The following SPRING1 variants were observed in gnomAD, a reference collection of about 807,000 sequenced individuals.
The protein encoded by SPRING1 is SREBP regulating gene protein.
A neutral mutation model predicts 24.7 loss-of-function variants in SPRING1; 14 were observed. That is an observed-to-expected ratio of 0.57 (90% confidence interval 0.37 to 0.88). SPRING1 has a LOEUF of 0.88. Ranked by LOEUF, SPRING1 falls within the 40% of genes least tolerant of loss-of-function variation. The probability of loss-of-function intolerance (pLI) is 0.00; values close to 1 mark genes in which losing one functional copy is unlikely to be tolerated. For synonymous variants in SPRING1, 93 were observed against 106.1 expected (o/e 0.88, Z 0.76); for missense variants, 255 against 268.4 (o/e 0.95, Z 0.35).
rs1268760871 is a variant in SPRING1 at position 116,713,537 on chromosome 12, A to C, written c.*4273T>G. 2 of 152,260 alleles carry C rather than the reference A, an allele frequency of 1.3e-5. No individual in the cohort carries two copies. Among genetic ancestry groups the C allele is most frequent in the Non-Finnish European group, 2.9e-5 (2 of 68,048 alleles). 9.4% of individuals were successfully genotyped at this position (152,260 alleles called of 1,614,324 possible). A position where few individuals can be genotyped will look rare whatever the true frequency, so the allele number is the denominator to read the frequency against. On this transcript the variant is annotated 3_prime_UTR_variant, in exon 5 of 5. Transcript: ENST00000261318. ...TCACAGGGTTACCAGGGGTATGACA[A>C]AAATGGACACTTCCATACACACTAG...
At chr12:116,729,046 TAAC>T (rs1263088534) in intron 1 of SPRING1, among the ~76,000 whole-genome samples, 2 of 152,146 alleles carry the variant, frequency 1.3e-5, no homozygotes, top group African/African-American at 2.4e-5. Context: ...CATTTAAAAA[TAAC>T]AACAATGAAT....
intron 1 of SPRING1, among the ~76,000 whole-genome samples, chr12:116,729,370 T>C (rs183560212): frequency 6.6e-6 from 1 of 152,368 alleles, no homozygotes; most frequent in African/African-American, 2.4e-5. Context: ...TGCAGGTTCC[T>C]AAAAGTTCAC....
rs1275302170 is a variant in SPRING1 at position 116,720,714 on chromosome 12, G to A, written c.269-267C>T. ...CCTACTGTTTAGTCGGCTGGCACAT[G>A]TCTGATTTCATCATCAGGTCAAGCT... On this transcript the variant is annotated intron_variant, in intron 2 of 4. Transcript: ENST00000261318. This position sits in a 1 kb window ranked among gnomAD's most constrained non-coding sequence, Gnocchi z 4.0. 6.6e-6 allele frequency among the ~76,000 whole-genome samples: 1 copy of A among 152,186 alleles called. No individual in the cohort carries two copies. Among genetic ancestry groups the A allele is most frequent in the Non-Finnish European group, 1.5e-5 (1 of 68,042 alleles).
Position 116,715,398 on chromosome 12 carries a change from G to A in SPRING1, c.*2412C>T, listed in dbSNP as rs966425129. The A allele has an allele frequency of 6.6e-6, 1 of 152,220 alleles. No homozygotes were observed. Among genetic ancestry groups the A allele is most frequent in the African/African-American group, 2.4e-5 (1 of 41,434 alleles). 9.4% of individuals were successfully genotyped at this position (152,220 alleles called of 1,614,324 possible). A position where few individuals can be genotyped will look rare whatever the true frequency, so the allele number is the denominator to read the frequency against. Reference sequence around the variant, plus strand: ...CACAAACCAACCAGAGTGGAGGGCAGGGAGAGGTCCTAGGTTGGGAGCTGG... The same window carrying A: ...CACAAACCAACCAGAGTGGAGGGCAAGGAGAGGTCCTAGGTTGGGAGCTGG... On this transcript the variant is annotated 3_prime_UTR_variant, in exon 5 of 5. Coordinates refer to ENST00000261318, the MANE Select transcript of SPRING1 (RefSeq NM_024738.4).
In SPRING1 at chr12:116,720,538, G is replaced by A. The variant is rs1044944093; in HGVS notation, c.269-91C>T. 8.6e-6 allele frequency: 13 copies of A among 1,510,628 alleles called. No individual in the cohort carries two copies. The highest frequency in any genetic ancestry group is 1.3e-5 in the South Asian group (1 of 79,702). The allele number at this position is 1,510,628 out of a possible 1,614,324, so 93.6% of individuals were successfully genotyped here. On this transcript the variant is annotated intron_variant, in intron 2 of 4. Transcript: ENST00000261318. The surrounding 1 kb of genome is among the most constrained non-coding windows in gnomAD (Gnocchi z 4.0). ...CATGAAGCAGCAGTGAAAGTACACA[G>A]ACAGAAGCTGGAGTCTGGGGCATCA... is the stretch of plus-strand genomic sequence containing the variant.
chr12:116,734,978 C>T (rs1871153917), intron 1 of SPRING1, among the ~76,000 whole-genome samples: 1 of 152,170 alleles, frequency 6.6e-6, no homozygotes, highest in African/African-American at 2.4e-5. Flanking sequence ...AGAATGGAAG[C>T]AGAGACTTGC....
rs1175276177 is a variant in SPRING1 at position 116,715,657 on chromosome 12, A to T, written c.*2153T>A. The T allele has an allele frequency of 6.6e-6, 1 of 151,598 alleles. No individual in the cohort carries two copies. The highest frequency in any genetic ancestry group is 1.5e-5 in the Non-Finnish European group (1 of 68,046). 9.4% of individuals were successfully genotyped at this position (151,598 alleles called of 1,614,324 possible). A position where few individuals can be genotyped will look rare whatever the true frequency, so the allele number is the denominator to read the frequency against. On this transcript the variant is annotated 3_prime_UTR_variant, in exon 5 of 5. Transcript: ENST00000261318. The stretch of plus-strand genomic sequence containing the variant: ...ATATCTGCTCTCAGGGGAGACGCCC[A>T]CGGTGTCAGGGCTGGAGTTGGCAAG...
At position 116,712,914 on chromosome 12, in the gene SPRING1, G is replaced by C. The variant is rs1264245807; in HGVS notation, c.*4896C>G. ...GTAATGTGTCCTGTGGGGATTTCAG[G>C]GTAATTTAATCAGCAGCACTTCAGC... On this transcript the variant is annotated 3_prime_UTR_variant, in exon 5 of 5. Coordinates refer to ENST00000261318, the MANE Select transcript of SPRING1 (RefSeq NM_024738.4). 1 of 152,408 alleles carries C rather than the reference G, an allele frequency of 6.6e-6. No individual in the cohort carries two copies. The highest frequency in any genetic ancestry group is 6.5e-5 in the Admixed American group (1 of 15,276). The allele number at this position is 152,408 out of a possible 1,614,324, so 9.4% of individuals were successfully genotyped here.
chr12:116,733,294 T>C (rs544407059), intron 1 of SPRING1, among the ~76,000 whole-genome samples: 1 of 151,714 alleles, frequency 6.6e-6, no homozygotes, highest in South Asian at 2.1e-4. Flanking sequence ...GCGATTCTCC[T>C]GCCTCAGCCT....
At chr12:116,722,081 G>A (rs1870463171) in intron 2 of SPRING1, among the ~76,000 whole-genome samples, 1 of 152,160 alleles carries the variant, frequency 6.6e-6, no homozygotes, top group Non-Finnish European at 1.5e-5. Context: ...GTTTGTAAAT[G>A]CAAATGATCT....
At position 116,713,754 on chromosome 12, in the gene SPRING1, C is replaced by CACAG. The variant is rs1222633143; in HGVS notation, c.*4052_*4055dup. ...ACCATGTGGCCACACAAATGCATTA[C>CACAG]ACAGGCCTCTATGTAACATAGGATA... On this transcript the variant is annotated 3_prime_UTR_variant, in exon 5 of 5. Transcript: ENST00000261318. The CACAG allele has an allele frequency of 6.6e-6, 1 of 152,166 alleles. No individual in the cohort carries two copies. Among genetic ancestry groups the CACAG allele is most frequent in the Non-Finnish European group, 1.5e-5 (1 of 68,032 alleles). The allele number at this position is 152,166 out of a possible 1,614,324, so 9.4% of individuals were successfully genotyped here.
chr12:116,722,970 G>A lies in SPRING1; in HGVS notation c.268+97C>T. ...TTGGAGATGAGCGAGGAGAGAAAAT[G>A]TGTTGCAGAGGAATCCCTATTCAAA... On this transcript the variant is annotated intron_variant, in intron 2 of 4. Coordinates refer to ENST00000261318, the MANE Select transcript of SPRING1 (RefSeq NM_024738.4). 4 of 1,451,626 alleles carry A rather than the reference G, an allele frequency of 2.8e-6. No homozygotes were observed. The South Asian group carries it at 5.1e-5, about 18-fold the overall frequency. The allele number at this position is 1,451,626 out of a possible 1,614,324, so 89.9% of individuals were successfully genotyped here.
In SPRING1 at chr12:116,737,969, G is replaced by T; in HGVS notation, c.-69C>A. On this transcript the variant is annotated 5_prime_UTR_variant, in exon 1 of 5. Transcript: ENST00000261318. ...GCAGGCCCGGGTCCCGGGCGGCATG[G>T]CCCCTACGCGCCCGGCAGCCCCATC... The T allele has an allele frequency of 8.1e-7, 1 of 1,233,770 alleles. No homozygotes were observed. The allele number at this position is 1,233,770 out of a possible 1,614,324, so 76.4% of individuals were successfully genotyped here.
chr12:116,719,682 A>C (rs1254742757), intron 4 of SPRING1, 81 bp downstream of exon 4: 2 of 1,186,350 alleles, frequency 1.7e-6, no homozygotes, highest in Non-Finnish European at 2.5e-6. Context: ...CCCCACCAAA[A>C]GGATCGACAG....
At chr12:116,729,024 A>T (rs1258687267) in intron 1 of SPRING1, among the ~76,000 whole-genome samples, 1 of 152,230 alleles carries the variant, frequency 6.6e-6, no homozygotes, top group East Asian at 1.9e-4. Context: ...TTTATTTTAG[A>T]TCGTTTTTAT....
intron 1 of SPRING1, among the ~76,000 whole-genome samples, chr12:116,736,095 C>A (rs1592926609): frequency 2.0e-5 from 2 of 97,942 alleles, no homozygotes; most frequent in African/African-American, 3.6e-5. Context: ...CGTATTTTAC[C>A]ACAATAAAAA....
rs1308292958 is a variant in SPRING1, at chr12:116,712,569, CTTCT to C, written c.*5237_*5240del. On this transcript the variant is annotated 3_prime_UTR_variant, in exon 5 of 5. Transcript: ENST00000261318. ...GGAAAGCTTCTCGGAGTCCCACTAT[CTTCT>C]TTGTTTTTATTGCTCCTACTTACTT... The C allele has an allele frequency of 6.6e-6, 1 of 152,124 alleles. No individual in the cohort carries two copies. Among genetic ancestry groups the C allele is most frequent in the Non-Finnish European group, 1.5e-5 (1 of 68,030 alleles). 9.4% of individuals were successfully genotyped at this position (152,124 alleles called of 1,614,324 possible). A position where few individuals can be genotyped will look rare whatever the true frequency, so the allele number is the denominator to read the frequency against.
At chr12:116,727,327 T>C (rs1870751595) in intron 1 of SPRING1, among the ~76,000 whole-genome samples, 1 of 152,154 alleles carries the variant, frequency 6.6e-6, no homozygotes, top group African/African-American at 2.4e-5. Context: ...CATGTCCACA[T>C]GGGGTGCACT....
At chr12:116,735,203 A>G (rs1423461583) in intron 1 of SPRING1, among the ~76,000 whole-genome samples, 1 of 152,184 alleles carries the variant, frequency 6.6e-6, no homozygotes, top group Non-Finnish European at 1.5e-5. Flanking sequence ...AGACTCGGGG[A>G]GGAACAAGTG....
Sources: gnomAD v4.1 joint callset for allele counts (sites outside exome capture counted in the v4.1 genomes callset) on GRCh38, gnomAD v4.1.1 for gene constraint, Gnocchi (gnomAD v3.1) non-coding constraint, MANE v1.5 for transcripts, NCBI Gene and HGNC (gene_info 2026-07-23, HGNC 2026-07-21) for gene names.